The following BAZ1B variants were observed in gnomAD, a reference collection of about 807,000 sequenced individuals.
BAZ1B encodes bromodomain adjacent to zinc finger domain 1B, also known as tyrosine-protein kinase BAZ1B.
A neutral mutation model predicts 153.8 loss-of-function variants in BAZ1B; 22 were observed. The ratio of observed to expected loss-of-function variants is 0.14; its 90% confidence interval spans 0.10 to 0.20. The LOEUF is 0.20. BAZ1B is among the 10% of genes least tolerant of loss of function. The pLI is 1.00. For synonymous variants in BAZ1B, 676 were observed against 633.4 expected, an observed-to-expected ratio of 1.07 and a Z score of -1.01; for missense variants, 1,325 against 1,799.3, an observed-to-expected ratio of 0.74 and a Z score of 4.77.
rs189153319 is a variant in BAZ1B, at chr7:73,492,999, G to C, written c.572-78C>G. 1.4e-5 allele frequency: 20 copies of C among 1,439,130 alleles called. No homozygotes were observed. The East Asian group carries it at 4.4e-4, about 32-fold the overall frequency. 89.1% of individuals were successfully genotyped at this position (1,439,130 alleles called of 1,614,324 possible). ...ATTCATTCATTAACAAGTCTTAACT[G>C]AACGTCTGCTCTTCACTAGGCACTG... On this transcript the variant is annotated intron_variant, in intron 4 of 19. Transcript: ENST00000339594.
chr7:73,468,642 G>A (rs1788683145), intron 9 of BAZ1B, among the ~76,000 whole-genome samples: 1 of 152,002 alleles, frequency 6.6e-6, no homozygotes, highest in African/African-American at 2.4e-5. Flanking sequence ...CCCAGATCAA[G>A]AGAAAGAATA....
chr7:73,503,400 G>C (rs1790214311), intron 3 of BAZ1B, among the ~76,000 whole-genome samples: 1 of 151,970 alleles, frequency 6.6e-6, no homozygotes, highest in Admixed American at 6.6e-5. Context: ...TTTTGAGACA[G>C]GGTCTTGCTA....
intron 5 of BAZ1B, among the ~76,000 whole-genome samples, chr7:73,490,851 T>C (rs1023136549): frequency 4.6e-5 from 7 of 151,832 alleles, no homozygotes; most frequent in African/African-American, 1.7e-4. Context: ...GTGATCCACC[T>C]GCCTCGGCCT....
In BAZ1B at chr7:73,442,453, G is replaced by A. The variant is rs200957068; in HGVS notation, c.4195C>T (p.Arg1399Cys). 1.5e-5 allele frequency: 25 copies of A among 1,614,186 alleles called. No individual in the cohort carries two copies. Among genetic ancestry groups the A allele is most frequent in the Middle Eastern group, 1.6e-4 (1 of 6,062 alleles). The change falls in exon 19 of 20, where the codon CGC (arginine) becomes TGC (cysteine). Residue 1399 changes from arginine to cysteine, a missense_variant. Around this residue, in one of 9 missense-constraint regions of BAZ1B, gnomAD observed 271 missense variants for 337.2 expected, o/e 0.80. Transcript: ENST00000339594. ...VQNKCSCGSY[R>C]SVQEFLTDMK... ...TCAGTAAGAAACTCCTGCACAGAGC[G>A]GTAGCTCCCACAGGAACATTTGTTC... is the stretch of plus-strand genomic sequence containing the variant.
chr7:73,490,825 G>A (rs960272466), intron 5 of BAZ1B, among the ~76,000 whole-genome samples: 5 of 151,228 alleles, frequency 3.3e-5, no homozygotes, highest in African/African-American at 7.3e-5. Context: ...GGCTGGTCTC[G>A]AACTCCCGAG....
intron 13 of BAZ1B, among the ~76,000 whole-genome samples, chr7:73,451,322 A>T (rs1554568159): frequency 6.6e-6 from 1 of 152,246 alleles, no homozygotes; most frequent in Non-Finnish European, 1.5e-5. Flanking sequence ...TAAAACTCCG[A>T]TTTAAAAGAT....
At chr7:73,516,551 G>A (rs192586780) in intron 1 of BAZ1B, among the ~76,000 whole-genome samples, 154 of 151,946 alleles carry the variant, frequency 1.0e-3, no homozygotes, top group South Asian at 1.9e-3. Context: ...GTGGGAGGCC[G>A]AGGGGGTGGA....
chr7:73,463,215 T>A, intron 11 of BAZ1B, 116 bp from the exon 12 acceptor site: 13 of 814,434 alleles, frequency 1.6e-5, no homozygotes, highest in Non-Finnish European at 2.3e-5. Context: ...CTCTTTCACC[T>A]CTCCCTGGTG....
intron 4 of BAZ1B, among the ~76,000 whole-genome samples, chr7:73,496,164 G>A (rs1789877755): frequency 6.6e-6 from 1 of 152,056 alleles, no homozygotes; most frequent in Non-Finnish European, 1.5e-5. Context: ...ACTGATGTTC[G>A]GAAAGCAGAG....
At chr7:73,484,612 C>G (rs552913549) in intron 6 of BAZ1B, among the ~76,000 whole-genome samples, 4 of 152,176 alleles carry the variant, frequency 2.6e-5, no homozygotes, top group Admixed American at 6.5e-5. Context: ...CGCTGCACCT[C>G]CAGCCTGGGC....
chr7:73,494,254 G>A (rs146988368), intron 4 of BAZ1B, among the ~76,000 whole-genome samples: 4 of 152,114 alleles, frequency 2.6e-5, no homozygotes, highest in East Asian at 1.9e-4. Context: ...ATGGTGGCAC[G>A]TGCCTGTAAT....
Position 73,515,373 on chromosome 7 carries a change from C to G in BAZ1B, c.108-4521G>C, listed in dbSNP as rs782417831. On this transcript the variant is annotated intron_variant, in intron 1 of 19. Coordinates refer to ENST00000339594, the MANE Select transcript of BAZ1B (RefSeq NM_032408.4). ...TCTTCATTAACATCAAGCTTGACCC[C>G]GTGACTGGTTTCGACCAATAGATGT... Among the ~76,000 whole-genome samples, 7 of 152,138 alleles carry G rather than the reference C, an allele frequency of 4.6e-5. No homozygotes were observed. In the South Asian group the frequency reaches 8.3e-4, roughly 18 times the overall value.
intron 12 of BAZ1B, 94 bp downstream of exon 12, chr7:73,462,828 G>C (rs1788439489): frequency 2.3e-6 from 3 of 1,327,492 alleles, no homozygotes; most frequent in African/African-American, 1.5e-5. Context: ...TGATTTCCAG[G>C]AGGGTCATGT....
chr7:73,461,070 G>A (rs1178983), intron 12 of BAZ1B, among the ~76,000 whole-genome samples: 1,907 of 152,120 alleles, frequency 0.013, 42 homozygotes, highest in African/African-American at 0.044. Flanking sequence ...CCGCCTCCCG[G>A]GTTTAAGCGA....
At chr7:73,449,518 A>ATT (rs1787955485) in intron 15 of BAZ1B, 24 bp downstream of exon 15, 5 of 1,597,096 alleles carry the variant, frequency 3.1e-6, no homozygotes, top group Non-Finnish European at 4.3e-6. Context: ...TCATTCAATT[A>ATT]TTTTTAAAAG....
rs1369279197 is a variant in BAZ1B at position 73,441,011 on chromosome 7, C to T, written c.*698G>A. 3.3e-5 allele frequency: 5 copies of T among 152,500 alleles called. No individual in the cohort carries two copies. Among genetic ancestry groups the T allele is most frequent in the Non-Finnish European group, 7.3e-5 (5 of 68,046 alleles). 9.4% of individuals were successfully genotyped at this position (152,500 alleles called of 1,614,324 possible). On this transcript the variant is annotated 3_prime_UTR_variant, in exon 20 of 20. Coordinates refer to ENST00000339594, the MANE Select transcript of BAZ1B (RefSeq NM_032408.4). ...CTCTGCCGCTCTCTCCTCCCACCCC[C>T]CACCGACACTGACCACTGGAATCTT...
chr7:73,462,293 C>T (rs1401866234), intron 12 of BAZ1B, among the ~76,000 whole-genome samples: 1 of 152,116 alleles, frequency 6.6e-6, no homozygotes, highest in Non-Finnish European at 1.5e-5. Context: ...AAAAGACCCA[C>T]AAATATTAAT....
intron 16 of BAZ1B, among the ~76,000 whole-genome samples, chr7:73,444,566 C>G (rs1787754344): frequency 6.6e-6 from 1 of 152,148 alleles, no homozygotes; most frequent in Non-Finnish European, 1.5e-5. Flanking sequence ...AAAACAAACC[C>G]TATGTTGTAA....
chr7:73,517,996 A>T lies in BAZ1B; in HGVS notation c.107+3831T>A, dbSNP rs539369776. On this transcript the variant is annotated intron_variant, in intron 1 of 19. Coordinates refer to ENST00000339594, the MANE Select transcript of BAZ1B (RefSeq NM_032408.4). ...ATGGCAAAGAGTGAGCCAACTCAAG[A>T]TTTGCTTTTTACTCGATATTCTCTC... 6.6e-5 allele frequency among the ~76,000 whole-genome samples: 10 copies of T among 152,266 alleles called. No individual in the cohort carries two copies. In the East Asian group the frequency reaches 9.6e-4, roughly 15 times the overall value.
Sources: gnomAD v4.1 joint callset for allele counts (sites outside exome capture counted in the v4.1 genomes callset) on GRCh38, gnomAD v4.1.1 for gene constraint, gnomAD v4.1.1 regional missense constraint, MANE v1.5 for transcripts, NCBI Gene and HGNC (gene_info 2026-07-23, HGNC 2026-07-21) for gene names.